The following DENND3 variants were observed in gnomAD, a reference collection of about 807,000 sequenced individuals.
DENND3 encodes the protein DENN domain containing 3, also known as DENN domain-containing protein 3.
DENND3 carries 88 observed loss-of-function variants against 135.1 expected under a neutral mutation model. The ratio of observed to expected loss-of-function variants is 0.65; its 90% CI spans 0.55 to 0.78. The LOEUF (loss-of-function observed/expected upper bound fraction) is 0.78. DENND3 is among the 30% of genes least tolerant of loss of function. DENND3 has a pLI of 0.00. For synonymous variants in DENND3, 693 were observed against 712.3 expected (o/e 0.97, Z 0.43); for missense variants, 1,392 against 1,688.4 (o/e 0.82, Z 3.08).
intron 5 of DENND3, among the ~76,000 whole-genome samples, chr8:141,145,994 G>A (rs1383166026): frequency 1.8e-4 from 27 of 151,110 alleles, no homozygotes; most frequent in Non-Finnish European, 3.5e-4. Flanking sequence ...GATTACAGGC[G>A]CGTGCCACCA....
At chr8:141,143,882 T>G (rs952921470) in intron 4 of DENND3, 3 of 341,280 alleles carry the variant, frequency 8.8e-6, no homozygotes, top group Non-Finnish European at 1.6e-5. Context: ...CACACACATG[T>G]AACTAGCACC....
chr8:141,157,916 T>C (rs911032518), intron 8 of DENND3: 2 of 887,976 alleles, frequency 2.3e-6, no homozygotes, highest in East Asian at 1.0e-4. Context: ...TCTGTGACCA[T>C]GCCCGACTAA....
intron 5 of DENND3, 108 bp from the exon 6 acceptor site, chr8:141,150,726 A>C: frequency 4.3e-6 from 6 of 1,380,110 alleles, no homozygotes; most frequent in Non-Finnish European, 5.8e-6. Flanking sequence ...TGTCTTCAGA[A>C]ATGTTTTCTA....
rs1589737405 is a variant in DENND3 at position 141,194,399 on chromosome 8, CCTT to C, written c.*169_*171del. 4 of 764,904 alleles carry C rather than the reference CCTT, an allele frequency of 5.2e-6. No individual in the cohort carries two copies. The East Asian group carries it at 1.1e-4, about 21-fold the overall frequency. 47.4% of individuals were successfully genotyped at this position (764,904 alleles called of 1,614,324 possible). On this transcript the variant is annotated 3_prime_UTR_variant, in exon 23 of 23. Transcript: ENST00000519811. ...CAGCCGCGAGACCCATGGCCACGCA[CCTT>C]CTCTCAGGCCTTCGGGCCCCCTGGT...
intron 8 of DENND3, among the ~76,000 whole-genome samples, chr8:141,159,727 T>G (rs944759609): frequency 2.6e-5 from 4 of 152,244 alleles, no homozygotes; most frequent in East Asian, 3.9e-4. Context: ...TGTATATTTC[T>G]AACGTCCCTC....
At chr8:141,147,104 G>C (rs879279509) in intron 5 of DENND3, among the ~76,000 whole-genome samples, 1 of 152,154 alleles carries the variant, frequency 6.6e-6, no homozygotes, top group Non-Finnish European at 1.5e-5. Context: ...GTTGCCGCTG[G>C]CCTGCTCTTC....
chr8:141,162,807 G>A (rs887579343), intron 9 of DENND3, among the ~76,000 whole-genome samples: 42 of 152,178 alleles, frequency 2.8e-4, no homozygotes, highest in South Asian at 6.2e-4. Flanking sequence ...CCAGCTACTC[G>A]GGAGGCTGAG....
intron 17 of DENND3, among the ~76,000 whole-genome samples, chr8:141,183,218 T>A (rs964334823): frequency 6.6e-6 from 1 of 152,134 alleles, no homozygotes; most frequent in African/African-American, 2.4e-5. Context: ...AGGAAAAGAA[T>A]GTTGAATTTG....
chr8:141,169,948 G>T (rs1442298152), intron 13 of DENND3, among the ~76,000 whole-genome samples: 1 of 152,214 alleles, frequency 6.6e-6, no homozygotes, highest in Non-Finnish European at 1.5e-5. Flanking sequence ...GTGTGGGTCA[G>T]TTCCTCTGAG....
rs922366280 is a variant in DENND3, at chr8:141,146,785, C to T, written c.735+2526C>T. Among the ~76,000 whole-genome samples, 7 of 152,182 alleles carry T rather than the reference C, an allele frequency of 4.6e-5. No homozygotes were observed. Among genetic ancestry groups the T allele is most frequent in the African/African-American group, 1.7e-4 (7 of 41,424 alleles). ...TCTGCTCCCAGAAGCCTTTGTAGGG[C>T]ATGTTTATCGGCCGCGTGTTTTATG... is the stretch of plus-strand genomic sequence containing the variant. On this transcript the variant is annotated intron_variant, in intron 5 of 22. Transcript: ENST00000519811. This position sits in a 1 kb window ranked among gnomAD's most constrained non-coding sequence, Gnocchi z 4.3.
intron 1 of DENND3, among the ~76,000 whole-genome samples, chr8:141,132,126 G>A (rs955926412): frequency 1.4e-4 from 22 of 152,256 alleles, no homozygotes; most frequent in African/African-American, 4.3e-4. Flanking sequence ...GATACTGTAC[G>A]GTTGTAAACA....
chr8:141,184,678 C>A (rs532698724), intron 17 of DENND3: 1 of 156,540 alleles, frequency 6.4e-6, no homozygotes, highest in Non-Finnish European at 1.4e-5. Context: ...GATGGACGGA[C>A]GCCAGCAAGT....
In DENND3 at chr8:141,146,936, T is replaced by C. The variant is rs1255439520; in HGVS notation, c.735+2677T>C. Among the ~76,000 whole-genome samples, 1 of 152,264 alleles carries C rather than the reference T, an allele frequency of 6.6e-6. No homozygotes were observed. The highest frequency in any genetic ancestry group is 1.5e-5 in the Non-Finnish European group (1 of 68,050). On this transcript the variant is annotated intron_variant, in intron 5 of 22. Transcript: ENST00000519811. The surrounding 1 kb of genome is among the most constrained non-coding windows in gnomAD (Gnocchi z 4.3). ...AGATCCGTGAACAGAGCCAGACCTC[T>C]GACTTGAGAGCAGTTTCAGGGTCAG... is the stretch of plus-strand genomic sequence containing the variant.
intron 19 of DENND3, among the ~76,000 whole-genome samples, chr8:141,189,422 C>T (rs554043054): frequency 1.3e-5 from 2 of 152,356 alleles, no homozygotes; most frequent in East Asian, 3.9e-4. Flanking sequence ...CATGGGGCAG[C>T]CCCGAGAGGG....
intron 22 of DENND3, chr8:141,192,994 G>A (rs1824977319): frequency 4.1e-6 from 4 of 968,172 alleles, no homozygotes; most frequent in African/African-American, 1.7e-5. Flanking sequence ...GGCTCGGGGG[G>A]AGCGTGCACT....
At chr8:141,169,967 C>G (rs1356629315) in intron 13 of DENND3, among the ~76,000 whole-genome samples, 10 of 152,166 alleles carry the variant, frequency 6.6e-5, no homozygotes, top group Admixed American at 2.6e-4. Context: ...AGATGTGTAC[C>G]CAAGGCCTGC....
chr8:141,149,157 G>A lies in DENND3; in HGVS notation c.736-1677G>A, dbSNP rs529309736. On this transcript the variant is annotated intron_variant, in intron 5 of 22. Transcript: ENST00000519811. ...ACTCCTGACCTCAGGTGATCCGCCC[G>A]CCTCAGCCTCCCAAAGTGCTGGGAT... 5.3e-5 allele frequency among the ~76,000 whole-genome samples: 8 copies of A among 152,262 alleles called. No individual in the cohort carries two copies. The South Asian group carries it at 1.2e-3, about 24-fold the overall frequency.
intron 7 of DENND3, among the ~76,000 whole-genome samples, chr8:141,155,201 C>T (rs528947671): frequency 2.0e-5 from 3 of 152,176 alleles, no homozygotes; most frequent in Admixed American, 6.6e-5. Context: ...GAGATGCTTG[C>T]ACAACCACTC....
intron 3 of DENND3, among the ~76,000 whole-genome samples, chr8:141,140,841 G>A (rs890490777): frequency 2.6e-5 from 4 of 152,232 alleles, no homozygotes; most frequent in East Asian, 1.9e-4. Flanking sequence ...TCCTGGGCAC[G>A]TGTGGGTGCC....
Sources: allele counts gnomAD v4.1 joint callset (sites outside exome capture counted in the v4.1 genomes callset), GRCh38; gene constraint gnomAD v4.1.1; non-coding constraint Gnocchi (gnomAD v3.1); transcripts MANE v1.5; gene names NCBI Gene and HGNC (gene_info 2026-07-23, HGNC 2026-07-21).